The following MN1 variants were observed in gnomAD, a reference collection of about 807,000 sequenced individuals.
The protein encoded by MN1 is transcriptional activator MN1.
Under a neutral mutation model 86.9 loss-of-function variants are expected in MN1, and 19 were observed. That is an observed-to-expected ratio of 0.22 (90% CI 0.15 to 0.32). The LOEUF (loss-of-function observed/expected upper bound fraction) is 0.32. Among genes scored for constraint, MN1 ranks in the 10% least tolerant of loss-of-function variants. The pLI is 1.00. For missense variants in MN1, 1,841 were observed against 1,862.0 expected (o/e 0.99, Z 0.21); for synonymous variants, 928 against 849.6 (o/e 1.09, Z -1.60).
chr22:27,769,351 G>T (rs575180459), intron 1 of MN1, among the ~76,000 whole-genome samples: 57 of 152,082 alleles, frequency 3.7e-4, no homozygotes, highest in Non-Finnish European at 6.9e-4. Flanking sequence ...AAAGTAAATT[G>T]CCTGAAGTCA....
In MN1 at chr22:27,765,467, C is replaced by T. The variant is rs140844308; in HGVS notation, c.3782-14371G>A. Among the ~76,000 whole-genome samples the T allele has an allele frequency of 1.1e-4, 16 of 152,322 alleles. No individual in the cohort carries two copies. The East Asian group carries it at 3.1e-3, about 29-fold the overall frequency. On this transcript the variant is annotated intron_variant, in intron 1 of 1. Transcript: ENST00000302326. ...ACAAAAAAGGAGAAAGGTGGATTTT[C>T]TGAAGCCGAATGAGTCAGCCACGTC...
chr22:27,765,422 AG>A (rs11337650), intron 1 of MN1, among the ~76,000 whole-genome samples: 97,054 of 151,728 alleles, frequency 0.64, 31,838 homozygotes, highest in African/African-American at 0.81. Flanking sequence ...GAAAAAAAAA[AG>A]TCATTCCAGA....
At chr22:27,753,171 C>T (rs1054840623) in intron 1 of MN1, among the ~76,000 whole-genome samples, 7 of 152,210 alleles carry the variant, frequency 4.6e-5, no homozygotes, top group Non-Finnish European at 1.0e-4. Flanking sequence ...ATGCAACTAA[C>T]ATGCCTTTAT....
intron 1 of MN1, among the ~76,000 whole-genome samples, chr22:27,778,686 G>A (rs1417171437): frequency 6.6e-6 from 1 of 152,206 alleles, no homozygotes; most frequent in Non-Finnish European, 1.5e-5. Context: ...CCACAGGCCT[G>A]GCTTCCTGCA....
intron 1 of MN1, among the ~76,000 whole-genome samples, chr22:27,764,408 C>G (rs943896502): frequency 3.3e-5 from 5 of 152,160 alleles, no homozygotes; most frequent in African/African-American, 1.2e-4. Context: ...TAACTTGGGG[C>G]CCCAAGAAAT....
chr22:27,793,019 C>T (rs1040337000), intron 1 of MN1, among the ~76,000 whole-genome samples: 3 of 152,110 alleles, frequency 2.0e-5, no homozygotes, highest in South Asian at 2.1e-4. Context: ...CCAAAAATTT[C>T]TCTGGCATCA....
At chr22:27,759,791 C>T (rs1932822696) in intron 1 of MN1, among the ~76,000 whole-genome samples, 1 of 152,260 alleles carries the variant, frequency 6.6e-6, no homozygotes, top group African/African-American at 2.4e-5. Context: ...GCTCTGTCAC[C>T]TTGCTTGCTG....
At chr22:27,768,285 G>A (rs1363653904) in intron 1 of MN1, among the ~76,000 whole-genome samples, 1 of 152,206 alleles carries the variant, frequency 6.6e-6, no homozygotes, top group African/African-American at 2.4e-5. Flanking sequence ...GAGAGAGTCT[G>A]ATTCAAGCCA....
Position 27,800,316 on chromosome 22 carries a change from C to G in MN1, c.228G>C (p.Ser76=). The change falls in exon 1 of 2, where the codon TCG becomes TCC. Residue 76 remains serine, a synonymous_variant. Coordinates refer to ENST00000302326, the MANE Select transcript of MN1 (RefSeq NM_002430.3). ...CTTGCAGCCCCCCTGCGTGCAACTC[C>G]GAGTGGCCGCGCGCGTGGAAGCCGT... is the stretch of plus-strand genomic sequence containing the variant. The part of the protein sequence containing the change: ...EPYGFHARGH[S]ELHAGGLQAQ... The G allele has an allele frequency of 6.3e-7, 1 of 1,579,198 alleles. No individual in the cohort carries two copies. Among genetic ancestry groups the G allele is most frequent in the Non-Finnish European group, 8.6e-7 (1 of 1,162,138 alleles).
Position 27,798,017 on chromosome 22 carries a change from TG to T in MN1, c.2526del (p.Asn843ThrfsTer4). 6.2e-7 allele frequency: 1 copy of T among 1,604,288 alleles called. No individual in the cohort carries two copies. The highest frequency in any genetic ancestry group is 8.5e-7 in the Non-Finnish European group (1 of 1,176,878). On this transcript the variant is annotated frameshift_variant, in exon 1 of 2. Coordinates refer to ENST00000302326, the MANE Select transcript of MN1 (RefSeq NM_002430.3). LOFTEE classifies it high-confidence loss of function. ...TTCTTGTTGAAGGTCACGTTGAGGT[TG>T]GGGGCCCCGAGGCTGGCGATCATGT... ...CQNMIASLGA[P>X]NLNVTFNKKN...
intron 1 of MN1, among the ~76,000 whole-genome samples, chr22:27,790,617 A>G (rs922077069): frequency 6.6e-6 from 1 of 150,564 alleles, no homozygotes; most frequent in Non-Finnish European, 1.5e-5. Context: ...GTACAAAAAG[A>G]TTACAATAAA....
chr22:27,757,023 A>G (rs1047139545), intron 1 of MN1, among the ~76,000 whole-genome samples: 2 of 152,138 alleles, frequency 1.3e-5, no homozygotes, highest in Non-Finnish European at 2.9e-5. Context: ...AGCCTCCCAA[A>G]GTGCTGGGAT....
chr22:27,800,158 T>A lies in MN1; in HGVS notation c.386A>T (p.His129Leu), dbSNP rs1327809917. The change falls in exon 1 of 2, where the codon CAC becomes CTC. Residue 129 changes from histidine to leucine, a missense_variant. Coordinates refer to ENST00000302326, the MANE Select transcript of MN1 (RefSeq NM_002430.3). ...GCCGTAGCCGAGCAGGCGACCCCCG[T>A]GCAGGCACGAGGCCCCGGGGTCCGG... ...GGPDPGASCL[H>L]GGRLLGYGGA... 1.3e-6 allele frequency: 2 copies of A among 1,551,402 alleles called. No individual in the cohort carries two copies. The highest frequency in any genetic ancestry group is 2.7e-5 in the African/African-American group (2 of 72,756).
At chr22:27,760,036 T>A (rs1932824321) in intron 1 of MN1, among the ~76,000 whole-genome samples, 1 of 152,134 alleles carries the variant, frequency 6.6e-6, no homozygotes, top group Admixed American at 6.5e-5. Context: ...TGATACTGTC[T>A]CTATAAAATT....
rs1301354975 is a variant in MN1, at chr22:27,801,589, C to A, written c.-1046G>T. On this transcript the variant is annotated 5_prime_UTR_variant, in exon 1 of 2. Coordinates refer to ENST00000302326, the MANE Select transcript of MN1 (RefSeq NM_002430.3). ...CCGGGCGAGCAGGCTAAGGCGTTCCCGCTGCGCTCTCAGAGCCCGGAATGG... is the reference window on the plus strand; with the variant it reads ...CCGGGCGAGCAGGCTAAGGCGTTCCAGCTGCGCTCTCAGAGCCCGGAATGG... 3 of 146,568 alleles carry A rather than the reference C, an allele frequency of 2.0e-5. No homozygotes were observed. Among genetic ancestry groups the A allele is most frequent in the Non-Finnish European group, 4.3e-5 (3 of 70,238 alleles). The allele number at this position is 146,568 out of a possible 1,614,324, so 9.1% of individuals were successfully genotyped here. A position where few individuals can be genotyped will look rare whatever the true frequency, so the allele number is the denominator to read the frequency against.
chr22:27,788,459 A>G (rs1204746600), intron 1 of MN1, among the ~76,000 whole-genome samples: 1 of 152,106 alleles, frequency 6.6e-6, no homozygotes, highest in African/African-American at 2.4e-5. Context: ...AAAGCAGGCT[A>G]GGTTTTCTGC....
chr22:27,774,438 C>G (rs1028995482), intron 1 of MN1, among the ~76,000 whole-genome samples: 6 of 152,184 alleles, frequency 3.9e-5, no homozygotes, highest in Non-Finnish European at 7.4e-5. Flanking sequence ...CAGGGCCACA[C>G]AGCCCCAGGT....
At position 27,800,087 on chromosome 22, in the gene MN1, AGCCCTCGGCGAAGGGCGGCTGGCT is replaced by A; in HGVS notation, c.433_456del (p.Ser145_Gly152del). 1.3e-6 allele frequency: 2 copies of A among 1,593,744 alleles called. No homozygotes were observed. Among genetic ancestry groups the A allele is most frequent in the Non-Finnish European group, 1.7e-6 (2 of 1,175,646 alleles). On this transcript the variant is annotated inframe_deletion, in exon 1 of 2. Coordinates refer to ENST00000302326, the MANE Select transcript of MN1 (RefSeq NM_002430.3). ...CCCTGGCTCTCCGCCATGTGCTCAT[AGCCCTCGGCGAAGGGCGGCTGGCT>A]GCCCAGGCCTCCGGCTGCGCCGCCG...
Position 27,798,037 on chromosome 22 carries a change from A to G in MN1, c.2507T>C (p.Ile836Thr). 1 of 1,609,734 alleles carries G rather than the reference A, an allele frequency of 6.2e-7. No individual in the cohort carries two copies. The highest frequency in any genetic ancestry group is 8.5e-7 in the Non-Finnish European group (1 of 1,179,098). Residue 836 changes from isoleucine to threonine, a missense_variant, in exon 1 of 2, where the codon ATC becomes ACC. By Grantham distance (89) the Ile-to-Thr change is moderately conservative. Transcript: ENST00000302326. ...GAGGTTGGGGGCCCCGAGGCTGGCG[A>G]TCATGTTCTGGCAAGCGGTGGAGAG... ...AALSTACQNM[I>T]ASLGAPNLNV...
Sources: allele counts gnomAD v4.1 joint callset (sites outside exome capture counted in the v4.1 genomes callset), GRCh38; gene constraint gnomAD v4.1.1; transcripts MANE v1.5; gene names NCBI Gene and HGNC (gene_info 2026-07-23, HGNC 2026-07-21).